LDB2: variants seen among roughly 807,000 people sequenced by gnomAD.
The protein encoded by LDB2 is LIM domain binding 2.
LDB2 carries 12 observed loss-of-function variants against 44.3 expected under a neutral mutation model. The observed-to-expected ratio is 0.27, with a 90% CI of 0.17 to 0.44. The LOEUF is 0.44. Ranked by LOEUF, LDB2 falls within the 20% of genes least tolerant of loss-of-function variation. LDB2 has a pLI of 1.00. For synonymous variants in LDB2, 164 were observed against 174.8 expected (o/e 0.94, Z 0.49); for missense variants, 344 against 473.5 (o/e 0.73, Z 2.54).
chr4:16,531,028 G>A (rs1350030669), intron 5 of LDB2, among the ~76,000 whole-genome samples: 2 of 152,202 alleles, frequency 1.3e-5, no homozygotes, highest in Non-Finnish European at 2.9e-5. Flanking sequence ...GAGGGGTTAA[G>A]TGCTTTGCCC....
At chr4:16,663,167 C>T (rs889959438) in intron 2 of LDB2, among the ~76,000 whole-genome samples, 1 of 152,076 alleles carries the variant, frequency 6.6e-6, no homozygotes, top group African/African-American at 2.4e-5. Flanking sequence ...TTCTGGGCAC[C>T]AAGATGCTAA....
chr4:16,503,040 G>GAAAT (rs755305512), intron 7 of LDB2, 167 bp from the exon 8 acceptor site: 13 of 1,547,372 alleles, frequency 8.4e-6, no homozygotes, highest in Non-Finnish European at 1.0e-5. Context: ...ATTTCTACAG[G>GAAAT]AAATAAACAT....
At chr4:16,691,984 A>G (rs1405330303) in intron 2 of LDB2, among the ~76,000 whole-genome samples, 2 of 152,166 alleles carry the variant, frequency 1.3e-5, no homozygotes, top group African/African-American at 4.8e-5. Context: ...TGAATGCCTG[A>G]CCTTTCCTCT....
At chr4:16,645,055 T>C (rs1186649136) in intron 2 of LDB2, among the ~76,000 whole-genome samples, 1 of 152,138 alleles carries the variant, frequency 6.6e-6, no homozygotes, top group African/African-American at 2.4e-5. Flanking sequence ...CCTGCCCAAC[T>C]CTCTACATTA....
At chr4:16,827,447 C>T (rs898722715) in intron 1 of LDB2, among the ~76,000 whole-genome samples, 1 of 149,374 alleles carries the variant, frequency 6.7e-6, no homozygotes, top group Non-Finnish European at 1.5e-5. Context: ...GCTAAAAAAC[C>T]AAACCAAAAC....
chr4:16,637,515 G>A (rs1034741009), intron 2 of LDB2, among the ~76,000 whole-genome samples: 2 of 152,000 alleles, frequency 1.3e-5, no homozygotes, highest in Non-Finnish European at 2.9e-5. Context: ...GGCTGGCTAC[G>A]TGGTCAACCA....
At chr4:16,839,363 G>A (rs893993373) in intron 1 of LDB2, among the ~76,000 whole-genome samples, 2 of 152,150 alleles carry the variant, frequency 1.3e-5, no homozygotes, top group African/African-American at 4.8e-5. Flanking sequence ...GACATGCCAG[G>A]CTTTTTCAAC....
intron 2 of LDB2, among the ~76,000 whole-genome samples, chr4:16,633,436 TAAA>T (rs1419596139): frequency 6.6e-6 from 1 of 151,302 alleles, no homozygotes; most frequent in African/African-American, 2.4e-5. Context: ...TAAAGTATAA[TAAA>T]AAAAATCACA....
At chr4:16,612,436 T>C (rs1406828360) in intron 2 of LDB2, among the ~76,000 whole-genome samples, 1 of 151,918 alleles carries the variant, frequency 6.6e-6, no homozygotes, top group African/African-American at 2.4e-5. Flanking sequence ...GCAGGTTTTT[T>C]GAGAAAAATT....
At chr4:16,542,192 A>T (rs1399628647) in intron 5 of LDB2, among the ~76,000 whole-genome samples, 1 of 151,850 alleles carries the variant, frequency 6.6e-6, no homozygotes, top group Non-Finnish European at 1.5e-5. Flanking sequence ...TAATGACTGA[A>T]CACCTACCAG....
chr4:16,535,968 A>G (rs1731690385), intron 5 of LDB2, among the ~76,000 whole-genome samples: 1 of 152,198 alleles, frequency 6.6e-6, no homozygotes, highest in Non-Finnish European at 1.5e-5. Context: ...GACTTGGGAA[A>G]GATCCTTGCA....
chr4:16,520,542 C>G (rs999435920), intron 5 of LDB2, among the ~76,000 whole-genome samples: 2 of 152,154 alleles, frequency 1.3e-5, no homozygotes, highest in East Asian at 3.9e-4. Context: ...AAGATGCAAC[C>G]GGGGGATGTG....
Position 16,595,724 on chromosome 4 carries a change from G to C in LDB2, c.387C>G (p.His129Gln), listed in dbSNP as rs764834270. ...DCDQCTMVTQ[H>Q]GKPMFTKVCT... ...GTACCTTGGTAAACATGGGCTTCCC[G>C]TGCTGGGTGACCATGGTACACTGGT... Residue 129 changes from histidine to glutamine, a missense_variant, in exon 3 of 8, where the codon CAC (histidine) becomes CAG (glutamine). By Grantham distance (24) the His-to-Gln change is conservative. This residue lies in a region of LDB2 where 226 missense variants were observed against 270.1 expected (regional missense o/e 0.84). Coordinates refer to ENST00000304523, the MANE Select transcript of LDB2 (RefSeq NM_001290.5). 2 of 1,613,566 alleles carry C rather than the reference G, an allele frequency of 1.2e-6. No individual in the cohort carries two copies. Among genetic ancestry groups the C allele is most frequent in the Admixed American group, 1.7e-5 (1 of 59,998 alleles).
intron 2 of LDB2, among the ~76,000 whole-genome samples, chr4:16,688,566 T>G (rs184587720): frequency 2.0e-5 from 3 of 152,356 alleles, no homozygotes; most frequent in Admixed American, 2.0e-4. Flanking sequence ...GATTATAATA[T>G]GGGATCTGAT....
intron 2 of LDB2, chr4:16,651,102 T>C (rs1413091485): frequency 6.6e-6 from 1 of 152,200 alleles, no homozygotes; most frequent in Admixed American, 6.5e-5. Context: ...TGTTAAGCAA[T>C]TTTGAGAATG....
chr4:16,767,000 A>G (rs1769473429), intron 1 of LDB2, among the ~76,000 whole-genome samples: 1 of 152,232 alleles, frequency 6.6e-6, no homozygotes, highest in African/African-American at 2.4e-5. Context: ...AATTTCTCTC[A>G]GGCACATGCC....
intron 2 of LDB2, among the ~76,000 whole-genome samples, chr4:16,648,407 T>A (rs1460629252): frequency 6.6e-6 from 1 of 152,240 alleles, no homozygotes; most frequent in East Asian, 1.9e-4. Context: ...CTAAGGTGTG[T>A]GCCCTTGGTC....
At chr4:16,864,168 G>A (rs1713815118) in intron 1 of LDB2, among the ~76,000 whole-genome samples, 1 of 151,866 alleles carries the variant, frequency 6.6e-6, no homozygotes, top group South Asian at 2.1e-4. Context: ...TTTTATTAAG[G>A]CACTGAGATT....
chr4:16,741,539 G>A (rs1431665300), intron 2 of LDB2: 1 of 152,198 alleles, frequency 6.6e-6, no homozygotes, highest in African/African-American at 2.4e-5. Context: ...ATAAGAACCT[G>A]TAGATCAGGA....
Sources: gnomAD v4.1 joint callset for allele counts (sites outside exome capture counted in the v4.1 genomes callset) on GRCh38, gnomAD v4.1.1 for gene constraint, gnomAD v4.1.1 regional missense constraint, MANE v1.5 for transcripts, NCBI Gene and HGNC (gene_info 2026-07-23, HGNC 2026-07-21) for gene names.